SORCS2: variants seen among roughly 807,000 people sequenced by gnomAD.
The protein encoded by SORCS2 is sortilin related VPS10 domain containing receptor 2, also known as VPS10 domain-containing receptor SorCS2.
SORCS2 carries 100 observed loss-of-function variants against 141.6 expected under a neutral mutation model. The ratio of observed to expected loss-of-function variants is 0.71; its 90% confidence interval spans 0.60 to 0.83. The LOEUF (loss-of-function observed/expected upper bound fraction) is 0.83. Among genes scored for constraint, SORCS2 ranks in the 40% least tolerant of loss-of-function variants. The probability of loss-of-function intolerance (pLI) is 0.00; values close to 1 mark genes in which losing one functional copy is unlikely to be tolerated. For missense variants in SORCS2, 1,646 were observed against 1,560.2 expected (o/e 1.05, Z -0.93); for synonymous variants, 789 against 676.9 (o/e 1.17, Z -2.57).
chr4:7,737,383 T>C (rs1288034435), intron 26 of SORCS2, among the ~76,000 whole-genome samples: 2 of 151,802 alleles, frequency 1.3e-5, no homozygotes, highest in South Asian at 2.1e-4. Context: ...CCGGCAGAGA[T>C]GAAATCTGAG....
chr4:7,361,776 AAC>A (rs1721595429), intron 1 of SORCS2, among the ~76,000 whole-genome samples: 1 of 151,952 alleles, frequency 6.6e-6, no homozygotes, highest in South Asian at 2.1e-4. Context: ...GAAAAAAAAA[AAC>A]ACAACGAACG....
intron 2 of SORCS2, among the ~76,000 whole-genome samples, chr4:7,445,499 GC>G: frequency 6.6e-6 from 1 of 152,168 alleles, no homozygotes; most frequent in Non-Finnish European, 1.5e-5. Flanking sequence ...GTGGAAGAAG[GC>G]CTGGGGCGCG....
chr4:7,434,474 C>T, intron 2 of SORCS2: 1 of 1,611,438 alleles, frequency 6.2e-7, no homozygotes, highest in South Asian at 1.1e-5. Flanking sequence ...AGGCTGAGCG[C>T]TGTGCACACC....
At position 7,740,429 on chromosome 4, in the gene SORCS2, G is replaced by A. The variant is rs886821771; in HGVS notation, c.*165G>A. 3.3e-5 allele frequency: 21 copies of A among 641,638 alleles called. No homozygotes were observed. The highest frequency in any genetic ancestry group is 8.4e-4 in the Middle Eastern group (2 of 2,392). 39.7% of individuals were successfully genotyped at this position (641,638 alleles called of 1,614,324 possible). ...CCTCTGATAAATCCAAGCCCGCCCA[G>A]GCCCACGGGGGGCCCACGGGACCCC... On this transcript the variant is annotated 3_prime_UTR_variant, in exon 27 of 27. Transcript: ENST00000507866.
At chr4:7,212,987 G>T (rs1728139310) in intron 1 of SORCS2, among the ~76,000 whole-genome samples, 1 of 152,252 alleles carries the variant, frequency 6.6e-6, no homozygotes, top group East Asian at 1.9e-4. Flanking sequence ...TTCCCACCTT[G>T]TGCTGCCCGG....
At position 7,531,644 on chromosome 4, in the gene SORCS2, G is replaced by T. The variant is rs1711661364; in HGVS notation, c.648+15G>T. 1 of 1,609,966 alleles carries T rather than the reference G, an allele frequency of 6.2e-7. No homozygotes were observed. ...ACAAGAGGAAGGTAGGTGCTGGCTGGGGGTGGCCGCCACTCTGGCTCTCGC... is the reference window on the plus strand; with the variant it reads ...ACAAGAGGAAGGTAGGTGCTGGCTGTGGGTGGCCGCCACTCTGGCTCTCGC... On this transcript the variant is annotated intron_variant, in intron 3 of 26. Coordinates refer to ENST00000507866, the MANE Select transcript of SORCS2 (RefSeq NM_020777.3).
At chr4:7,704,000 T>A (rs1186906724) in intron 13 of SORCS2, among the ~76,000 whole-genome samples, 177 bp from the exon 14 acceptor site, 2 of 152,222 alleles carry the variant, frequency 1.3e-5, no homozygotes, top group Admixed American at 1.3e-4. Flanking sequence ...GATAAGCAGA[T>A]GTAACATAAG....
intron 3 of SORCS2, among the ~76,000 whole-genome samples, chr4:7,535,062 C>G (rs1712005616): frequency 6.6e-6 from 1 of 152,248 alleles, no homozygotes; most frequent in African/African-American, 2.4e-5. Flanking sequence ...ATCCTGATTC[C>G]TGTTGGACCC....
At chr4:7,425,233 G>A (rs947581954) in intron 2 of SORCS2, among the ~76,000 whole-genome samples, 13 of 152,184 alleles carry the variant, frequency 8.5e-5, no homozygotes, top group African/African-American at 2.9e-4. Context: ...GCCCTTGATC[G>A]CTGTGGGGTG....
chr4:7,679,749 C>CTTT (rs55936772), intron 9 of SORCS2, among the ~76,000 whole-genome samples: 32 of 141,282 alleles, frequency 2.3e-4, no homozygotes, highest in East Asian at 1.7e-3. Context: ...ACTTGTGGGA[C>CTTT]TTTTTTTTTT....
chr4:7,360,042 A>G (rs1721487632), intron 1 of SORCS2, among the ~76,000 whole-genome samples: 1 of 152,194 alleles, frequency 6.6e-6, no homozygotes, highest in Non-Finnish European at 1.5e-5. Flanking sequence ...AAACAATTAC[A>G]TGCATTATTT....
At chr4:7,219,728 C>G (rs553679621) in intron 1 of SORCS2, among the ~76,000 whole-genome samples, 20 of 152,280 alleles carry the variant, frequency 1.3e-4, no homozygotes, top group South Asian at 6.2e-4. Flanking sequence ...TCCCATGACA[C>G]GTGGGGATCG....
intron 1 of SORCS2, among the ~76,000 whole-genome samples, chr4:7,324,049 G>A (rs1367355813): frequency 2.0e-5 from 3 of 152,214 alleles, no homozygotes; most frequent in Non-Finnish European, 4.4e-5. Context: ...GGGATCTCCT[G>A]TTTCCCAGCC....
At chr4:7,555,265 G>A (rs1028783903) in intron 3 of SORCS2, among the ~76,000 whole-genome samples, 2 of 152,250 alleles carry the variant, frequency 1.3e-5, no homozygotes, top group African/African-American at 2.4e-5. Flanking sequence ...CTTTCCCAAA[G>A]AGCAGTTAGG....
intron 3 of SORCS2, among the ~76,000 whole-genome samples, chr4:7,559,609 G>A (rs1274235353): frequency 6.6e-6 from 1 of 152,068 alleles, no homozygotes; most frequent in Admixed American, 6.5e-5. Flanking sequence ...ATGTGGCTGG[G>A]ATCGAGGCAT....
rs116552101 is a variant in SORCS2 at position 7,624,670 on chromosome 4, A to C, written c.649-13658A>C. On this transcript the variant is annotated intron_variant, in intron 3 of 26. Transcript: ENST00000507866. Reference sequence around the variant, plus strand: ...CAATTAGGGGGCAGATAAATGAACAAATTGTTCACACGTCCAACCGTACAT... The same window carrying C: ...CAATTAGGGGGCAGATAAATGAACACATTGTTCACACGTCCAACCGTACAT... Among the ~76,000 whole-genome samples the C allele has an allele frequency of 2.8e-3, 425 of 152,350 alleles. 3 individuals carry two copies. The highest frequency in any genetic ancestry group is 9.3e-3 in the African/African-American group (385 of 41,582).
intron 1 of SORCS2, among the ~76,000 whole-genome samples, chr4:7,257,195 C>G (rs1036943344): frequency 6.6e-6 from 1 of 152,120 alleles, no homozygotes; most frequent in East Asian, 1.9e-4. Context: ...ATATTTCACA[C>G]AGATGGTGGC....
intron 1 of SORCS2, among the ~76,000 whole-genome samples, chr4:7,341,893 TTC>T (rs1318127076): frequency 3.9e-5 from 6 of 152,202 alleles, no homozygotes; most frequent in African/African-American, 1.2e-4. Flanking sequence ...CCAAGCTGCT[TTC>T]TGTCTCTACG....
At position 7,697,283 on chromosome 4, in the gene SORCS2, G is replaced by A. The variant is rs371686728; in HGVS notation, c.1668+9G>A. 6 of 1,577,114 alleles carry A rather than the reference G, an allele frequency of 3.8e-6. No homozygotes were observed. The highest frequency in any genetic ancestry group is 2.7e-5 in the African/African-American group (2 of 74,126). Reference sequence around the variant, plus strand: ...GTCACACCTGGCGGCAGGTAAGCTGGCTGGGAGGTGCCTGGTACCCCCCAC... The same window carrying A: ...GTCACACCTGGCGGCAGGTAAGCTGACTGGGAGGTGCCTGGTACCCCCCAC... On this transcript the variant is annotated intron_variant, in intron 12 of 26. Transcript: ENST00000507866.
Sources: gnomAD v4.1 joint callset for allele counts (sites outside exome capture counted in the v4.1 genomes callset) on GRCh38, gnomAD v4.1.1 for gene constraint, MANE v1.5 for transcripts, NCBI Gene and HGNC (gene_info 2026-07-23, HGNC 2026-07-21) for gene names.